UTRN: variants seen among roughly 807,000 people sequenced by gnomAD.
UTRN encodes dystrophin-related protein 1.
UTRN carries 283 observed loss-of-function variants against 463.9 expected under a neutral mutation model. The ratio of observed to expected loss-of-function variants is 0.61; its 90% CI spans 0.55 to 0.67. The LOEUF is 0.67. UTRN is among the 30% of genes least tolerant of loss of function. The pLI is 0.00. For synonymous variants in UTRN, 1,442 were observed against 1,431.5 expected (o/e 1.01, Z -0.17); for missense variants, 3,922 against 4,084.3 (o/e 0.96, Z 1.08).
At chr6:144,582,410 C>G (rs1802048997) in intron 51 of UTRN, among the ~76,000 whole-genome samples, 2 of 152,010 alleles carry the variant, frequency 1.3e-5, no homozygotes, top group African/African-American at 4.8e-5. Flanking sequence ...AGTACTTTAC[C>G]CCAGTTGATA....
intron 50 of UTRN, among the ~76,000 whole-genome samples, chr6:144,559,950 G>A (rs900378714): frequency 2.0e-5 from 3 of 152,156 alleles, no homozygotes; most frequent in African/African-American, 7.2e-5. Flanking sequence ...CATGCTGTGA[G>A]TTCTGAAGAA....
At chr6:144,708,988 T>C (rs560669787) in intron 53 of UTRN, among the ~76,000 whole-genome samples, 1 of 152,288 alleles carries the variant, frequency 6.6e-6, no homozygotes, top group East Asian at 1.9e-4. Flanking sequence ...ACTCCTGCTA[T>C]AACTAACCCA....
chr6:144,609,387 C>T (rs146991679), intron 51 of UTRN, among the ~76,000 whole-genome samples: 6 of 152,282 alleles, frequency 3.9e-5, no homozygotes, highest in African/African-American at 1.2e-4. Context: ...AATTCACAGA[C>T]ATAATTGTAA....
chr6:144,709,434 C>CT (rs1306884041), intron 53 of UTRN, among the ~76,000 whole-genome samples: 1 of 151,960 alleles, frequency 6.6e-6, no homozygotes, highest in Non-Finnish European at 1.5e-5. Context: ...ATCTTTTTAG[C>CT]TACAAAGAAC....
intron 2 of UTRN, among the ~76,000 whole-genome samples, chr6:144,306,924 G>A (rs1388703590): frequency 6.6e-6 from 1 of 151,760 alleles, no homozygotes; most frequent in Non-Finnish European, 1.5e-5. Context: ...AATTACCTGG[G>A]CATGGGGTCG....
intron 70 of UTRN, 116 bp downstream of exon 70, chr6:144,836,054 A>T: frequency 6.7e-7 from 1 of 1,483,810 alleles, no homozygotes; most frequent in Non-Finnish European, 9.0e-7. Context: ...AGTGGAGTGA[A>T]AATTTTAGAG....
At chr6:144,285,916 T>C (rs591311) in intron 1 of UTRN, 95 bp downstream of exon 1, 79,539 of 152,130 alleles carry the variant, frequency 0.52, 22,563 homozygotes, top group African/African-American at 0.75. Context: ...GCTCTTTCTG[T>C]GGTTCTTCCG....
At chr6:144,686,148 T>C (rs6931305) in intron 52 of UTRN, among the ~76,000 whole-genome samples, 39,852 of 152,064 alleles carry the variant, frequency 0.26, 6,018 homozygotes, top group Admixed American at 0.44. Context: ...ATTTATTGAA[T>C]AGCATGTCCT....
intron 34 of UTRN, among the ~76,000 whole-genome samples, chr6:144,503,770 A>G (rs1794445399): frequency 6.6e-6 from 1 of 152,102 alleles, no homozygotes; most frequent in Non-Finnish European, 1.5e-5. Context: ...GTTTTTTTCT[A>G]ATTCTGTGAA....
chr6:144,683,735 C>T (rs1782447192), intron 52 of UTRN, among the ~76,000 whole-genome samples: 1 of 152,160 alleles, frequency 6.6e-6, no homozygotes, highest in Non-Finnish European at 1.5e-5. Flanking sequence ...ATTTTCCTCA[C>T]CTAGCAGCCA....
intron 32 of UTRN, 75 bp downstream of exon 32, chr6:144,491,177 C>A: frequency 2.2e-6 from 3 of 1,394,974 alleles, no homozygotes; most frequent in Non-Finnish European, 1.9e-6. Context: ...CAAGTACATG[C>A]CTAGTGTGTC....
At chr6:144,382,522 A>C (rs1281075566) in intron 2 of UTRN, among the ~76,000 whole-genome samples, 1 of 152,162 alleles carries the variant, frequency 6.6e-6, no homozygotes, top group Middle Eastern at 3.2e-3. Context: ...GACCATGATG[A>C]CAGTTGGGTT....
At chr6:144,738,660 A>G (rs1177013218) in intron 54 of UTRN, among the ~76,000 whole-genome samples, 1 of 152,214 alleles carries the variant, frequency 6.6e-6, no homozygotes, top group African/African-American at 2.4e-5. Context: ...TACACAATTC[A>G]TTGTATACAT....
At chr6:144,504,406 A>G (rs536918752) in intron 34 of UTRN, among the ~76,000 whole-genome samples, 2 of 152,306 alleles carry the variant, frequency 1.3e-5, no homozygotes, top group South Asian at 2.1e-4. Context: ...ATTTTGAGAT[A>G]TGTTCAGTTA....
intron 51 of UTRN, among the ~76,000 whole-genome samples, chr6:144,671,088 CT>C (rs1780969209): frequency 6.6e-6 from 1 of 150,720 alleles, no homozygotes; most frequent in South Asian, 2.1e-4. Flanking sequence ...AGATTTCTCC[CT>C]TTTGTTTAGT....
At chr6:144,535,844 A>G (rs1797480029) in intron 43 of UTRN, among the ~76,000 whole-genome samples, 2 of 152,182 alleles carry the variant, frequency 1.3e-5, no homozygotes, top group African/African-American at 2.4e-5. Context: ...CAATGGTGCA[A>G]TCGTAGCTCA....
rs867239146 is a variant in UTRN, at chr6:144,791,994, C to G, written c.8921-1840C>G. 2.7e-4 allele frequency among the ~76,000 whole-genome samples: 41 copies of G among 152,266 alleles called. No homozygotes were observed. In the Middle Eastern group the frequency reaches 0.02, roughly 76 times the overall value. ...GGACTGGTTTAAAATAAACATCATG[C>G]TAAGACTACTGGATAAATATTTTTG... is the stretch of plus-strand genomic sequence containing the variant. On this transcript the variant is annotated intron_variant, in intron 62 of 74. Coordinates refer to ENST00000367545, the MANE Select transcript of UTRN (RefSeq NM_007124.3).
intron 2 of UTRN, among the ~76,000 whole-genome samples, chr6:144,297,076 T>C (rs980311828): frequency 6.6e-6 from 1 of 151,974 alleles, no homozygotes; most frequent in African/African-American, 2.4e-5. Flanking sequence ...TCAAGGCTTT[T>C]AACGAGCTGA....
intron 3 of UTRN, among the ~76,000 whole-genome samples, chr6:144,409,317 C>T (rs1411128716): frequency 6.6e-6 from 1 of 152,154 alleles, no homozygotes; most frequent in African/African-American, 2.4e-5. Flanking sequence ...ATTTAATATG[C>T]TATGCTTTGA....
Sources: gnomAD v4.1 joint callset for allele counts (sites outside exome capture counted in the v4.1 genomes callset) on GRCh38, gnomAD v4.1.1 for gene constraint, MANE v1.5 for transcripts, NCBI Gene and HGNC (gene_info 2026-07-23, HGNC 2026-07-21) for gene names.